Variants in PPP1R13B observed in about 807,000 individuals in gnomAD.
PPP1R13B encodes protein phosphatase 1 regulatory subunit 13B.
In PPP1R13B, 44 loss-of-function variants were observed where a neutral mutation model predicts 119.8. That is an observed-to-expected ratio of 0.37 (90% CI 0.29 to 0.47). The LOEUF (loss-of-function observed/expected upper bound fraction) is 0.47. Among genes scored for constraint, PPP1R13B ranks in the 20% least tolerant of loss-of-function variants. The pLI is 0.99. For synonymous variants in PPP1R13B, 542 were observed against 561.5 expected (o/e 0.97, Z 0.49); for missense variants, 1,227 against 1,413.5 (o/e 0.87, Z 2.12).
At chr14:103,821,627 T>C (rs2086410413) in intron 1 of PPP1R13B, among the ~76,000 whole-genome samples, 2 of 152,128 alleles carry the variant, frequency 1.3e-5, no homozygotes, top group South Asian at 2.1e-4. Context: ...GATGCCTGCC[T>C]GTAATCCCAG....
chr14:103,837,755 A>G (rs2086810312), intron 1 of PPP1R13B, among the ~76,000 whole-genome samples: 2 of 152,122 alleles, frequency 1.3e-5, no homozygotes, highest in Admixed American at 1.3e-4. Flanking sequence ...CTCTCTTCCA[A>G]TAATTCTGGC....
chr14:103,735,164 G>A lies in PPP1R13B; in HGVS notation c.3263C>T (p.Thr1088Ile). ...LYPRIKPRQR[T>I]LA ...GCTCCAAAAGGAAGTTCAGGCGAGT[G>A]TTCGCTGTCGGGGTTTGATCCGTGG... Residue 1088 changes from threonine to isoleucine, a missense_variant, in exon 17 of 17, where the codon ACA becomes ATA. By Grantham distance (89) the Thr-to-Ile change is moderately conservative. Coordinates refer to ENST00000202556, the MANE Select transcript of PPP1R13B (RefSeq NM_015316.3). 2 of 1,614,170 alleles carry A rather than the reference G, an allele frequency of 1.2e-6. No individual in the cohort carries two copies. The highest frequency in any genetic ancestry group is 1.7e-6 in the Non-Finnish European group (2 of 1,180,018).
At chr14:103,772,203 C>T (rs1297267998) in intron 4 of PPP1R13B, among the ~76,000 whole-genome samples, 1 of 152,204 alleles carries the variant, frequency 6.6e-6, no homozygotes, top group African/African-American at 2.4e-5. Flanking sequence ...GAATATTCCA[C>T]TGTGAGGATA....
In PPP1R13B at chr14:103,801,100, T is replaced by C. The variant is rs531947676; in HGVS notation, c.10-3582A>G. ...CCCGACCTCAGGTGATCTACCCACC[T>C]CGGCCTCCCAAAGTGCTGGGATTAC... On this transcript the variant is annotated intron_variant, in intron 1 of 16. Transcript: ENST00000202556. Among the ~76,000 whole-genome samples, 166 of 152,266 alleles carry C rather than the reference T, an allele frequency of 1.1e-3. 2 individuals are homozygous for C. The highest frequency in any genetic ancestry group is 3.9e-4 in the East Asian group (2 of 5,180).
chr14:103,739,474 C>A (rs730114), intron 12 of PPP1R13B, among the ~76,000 whole-genome samples: 12,203 of 152,248 alleles, frequency 0.08, 541 homozygotes, highest in African/African-American at 0.12. Context: ...TCCGTCAACA[C>A]TGACCTCCCA....
chr14:103,778,827 G>T lies in PPP1R13B; in HGVS notation c.278-6C>A, dbSNP rs745377494. ...CTCTTGGGTCTGACGGCCACCTAAA[G>T]AAATAAAAGAACCAAACTCACCAAA... On this transcript the variant is annotated splice_polypyrimidine_tract_variant and splice_region_variant and intron_variant, in intron 3 of 16. Transcript: ENST00000202556. 1 of 1,611,386 alleles carries T rather than the reference G, an allele frequency of 6.2e-7. No individual in the cohort carries two copies. Among genetic ancestry groups the T allele is most frequent in the African/African-American group, 1.3e-5 (1 of 74,916 alleles).
At chr14:103,776,186 G>GAGGGAGGGAGGGAGGGAGGTAGGA (rs1397618597) in intron 4 of PPP1R13B, among the ~76,000 whole-genome samples, 1 of 76,000 alleles carries the variant, frequency 1.3e-5, no homozygotes, top group African/African-American at 8.0e-5. Context: ...GGGAGGGAGG[G>GAGGGAGGGAGGGAGGGAGGTAGGA]AGGAAGGAAG....
intron 4 of PPP1R13B, among the ~76,000 whole-genome samples, chr14:103,761,165 T>C (rs992792636): frequency 4.0e-5 from 6 of 151,120 alleles, no homozygotes; most frequent in Non-Finnish European, 5.9e-5. Context: ...TCCCAGTTAC[T>C]TGGGAGGATG....
chr14:103,744,350 A>G (rs974513294), intron 9 of PPP1R13B, among the ~76,000 whole-genome samples: 4 of 152,196 alleles, frequency 2.6e-5, no homozygotes, highest in Non-Finnish European at 5.9e-5. Flanking sequence ...AACAAACAAA[A>G]AACCCTCCAA....
At chr14:103,828,091 G>A (rs907328489) in intron 1 of PPP1R13B, among the ~76,000 whole-genome samples, 1 of 152,120 alleles carries the variant, frequency 6.6e-6, no homozygotes, top group Non-Finnish European at 1.5e-5. Context: ...GCACGGCCGG[G>A]TGCAGTGGTT....
intron 2 of PPP1R13B, among the ~76,000 whole-genome samples, chr14:103,792,281 G>T (rs1036183468): frequency 6.6e-6 from 1 of 151,780 alleles, no homozygotes; most frequent in African/African-American, 2.4e-5. Context: ...GTGATCAAGC[G>T]ATCGTCCCAC....
intron 4 of PPP1R13B, among the ~76,000 whole-genome samples, chr14:103,762,504 C>T (rs7142769): frequency 0.26 from 39,660 of 149,988 alleles, 6,246 homozygotes; most frequent in Non-Finnish European, 0.34. Context: ...TGTTAAATGA[C>T]GAGTTAATGG....
chr14:103,828,021 A>C (rs962985992), intron 1 of PPP1R13B, among the ~76,000 whole-genome samples: 1 of 152,034 alleles, frequency 6.6e-6, no homozygotes, highest in Non-Finnish European at 1.5e-5. Flanking sequence ...CAACCACACA[A>C]AGAGACTAAA....
intron 1 of PPP1R13B, among the ~76,000 whole-genome samples, chr14:103,805,164 T>C (rs2085987795): frequency 6.6e-6 from 1 of 152,094 alleles, no homozygotes; most frequent in African/African-American, 2.4e-5. Context: ...AGATTTGCCA[T>C]ATGGCCCCCA....
chr14:103,839,904 C>A (rs2086864437), intron 1 of PPP1R13B, among the ~76,000 whole-genome samples: 1 of 152,214 alleles, frequency 6.6e-6, no homozygotes. Flanking sequence ...TTAACATTTT[C>A]TCTAAACACA....
At chr14:103,808,103 G>A (rs988755211) in intron 1 of PPP1R13B, among the ~76,000 whole-genome samples, 1 of 151,878 alleles carries the variant, frequency 6.6e-6, no homozygotes, top group African/African-American at 2.4e-5. Context: ...AAATTAGCTG[G>A]GCGTGGTGGC....
chr14:103,753,753 T>C (rs2084606672), intron 6 of PPP1R13B, among the ~76,000 whole-genome samples: 1 of 152,054 alleles, frequency 6.6e-6, no homozygotes, highest in African/African-American at 2.4e-5. Flanking sequence ...AAGAGATCTT[T>C]TTATTTTTTT....
Position 103,738,390 on chromosome 14 carries a change from T to G in PPP1R13B, c.2864+289A>C. 1 of 453,536 alleles carries G rather than the reference T, an allele frequency of 2.2e-6. No individual in the cohort carries two copies. 28.1% of individuals were successfully genotyped at this position (453,536 alleles called of 1,614,324 possible). A position where few individuals can be genotyped will look rare whatever the true frequency, so the allele number is the denominator to read the frequency against. ...GAGTGTGAAGAGTCCATACGGAACA[T>G]ATGAGAAGGGGAAGATGGAATGATT... On this transcript the variant is annotated intron_variant, in intron 14 of 16. Coordinates refer to ENST00000202556, the MANE Select transcript of PPP1R13B (RefSeq NM_015316.3). The surrounding 1 kb of genome is among the most constrained non-coding windows in gnomAD (Gnocchi z 5.6).
chr14:103,742,701 A>T lies in PPP1R13B; in HGVS notation c.1273T>A (p.Ser425Thr). The T allele has an allele frequency of 6.2e-7, 1 of 1,613,998 alleles. No individual in the cohort carries two copies. Among genetic ancestry groups the T allele is most frequent in the Non-Finnish European group, 8.5e-7 (1 of 1,180,022 alleles). The change falls in exon 10 of 17, where the codon TCC becomes ACC. Residue 425 changes from serine (S) to threonine (T), a missense_variant. By Grantham distance (58) the Ser-to-Thr change is moderately conservative. Coordinates refer to ENST00000202556, the MANE Select transcript of PPP1R13B (RefSeq NM_015316.3). This position sits in a 1 kb window ranked among gnomAD's most constrained non-coding sequence, Gnocchi z 4.9. ...GCTGAGAAGGGCACAGGCTGGCTGGAGACAGTGCCCTGCTTGACAGACCCC... is the reference window on the plus strand; with the variant it reads ...GCTGAGAAGGGCACAGGCTGGCTGGTGACAGTGCCCTGCTTGACAGACCCC... ...VEGSVKQGTV[S>T]SQPVPFSALG...
Sources: allele counts gnomAD v4.1 joint callset (sites outside exome capture counted in the v4.1 genomes callset), GRCh38; gene constraint gnomAD v4.1.1; non-coding constraint Gnocchi (gnomAD v3.1); transcripts MANE v1.5; gene names NCBI Gene and HGNC (gene_info 2026-07-23, HGNC 2026-07-21).